The following LCOR variants were observed in gnomAD, a reference collection of about 807,000 sequenced individuals.
The protein encoded by LCOR is ligand-dependent corepressor.
Under a neutral mutation model 64.4 loss-of-function variants are expected in LCOR, and 14 were observed. The ratio of observed to expected loss-of-function variants is 0.22; its 90% CI spans 0.14 to 0.34. The LOEUF (loss-of-function observed/expected upper bound fraction) is 0.34, where lower values mean the gene tolerates loss of function less well. LCOR is among the 10% of genes least tolerant of loss of function. The probability of loss-of-function intolerance (pLI) is 1.00; values close to 1 mark genes in which losing one functional copy is unlikely to be tolerated. For missense variants in LCOR, 1,686 were observed against 1,765.3 expected (o/e 0.96, Z 0.80); for synonymous variants, 643 against 642.5 (o/e 1.00, Z -0.01).
intron 4 of LCOR, among the ~76,000 whole-genome samples, chr10:96,908,769 G>A (rs1846774806): frequency 1.3e-5 from 2 of 150,806 alleles, no homozygotes; most frequent in African/African-American, 4.9e-5. Flanking sequence ...AGGCTGGAGT[G>A]CAGTGGCGCG....
In LCOR at chr10:96,949,021, C is replaced by T. The variant is rs762358270; in HGVS notation, c.-37C>T. ...CTTTATTTACAGACAGTCCCTGGGT[C>T]TCCGACCCCAATATTCCCCTAGTGG... is the stretch of plus-strand genomic sequence containing the variant. On this transcript the variant is annotated 5_prime_UTR_variant, in exon 6 of 8. Transcript: ENST00000421806. 3 of 1,611,272 alleles carry T rather than the reference C, an allele frequency of 1.9e-6. No homozygotes were observed. The highest frequency in any genetic ancestry group is 2.2e-5 in the South Asian group (2 of 90,942).
At chr10:96,966,747 C>T (rs998428078) in intron 7 of LCOR, among the ~76,000 whole-genome samples, 3 of 151,882 alleles carry the variant, frequency 2.0e-5, no homozygotes, top group South Asian at 4.2e-4. Flanking sequence ...GTTGAACTTC[C>T]GTTGTTTGAC....
At position 96,985,135 on chromosome 10, in the gene LCOR, T is replaced by C. The variant is rs774059746; in HGVS notation, c.*1T>C. ...ACGGAGGCGGCTGGATGCAAAGTGA[T>C]TGGAAAGATGGTAGCCAAGAGTAAA... On this transcript the variant is annotated 3_prime_UTR_variant, in exon 8 of 8. Coordinates refer to ENST00000421806, the MANE Select transcript of LCOR (RefSeq NM_001346516.2). The C allele has an allele frequency of 2.5e-6, 4 of 1,587,248 alleles. No individual in the cohort carries two copies. Among genetic ancestry groups the C allele is most frequent in the Non-Finnish European group, 3.4e-6 (4 of 1,170,374 alleles).
intron 4 of LCOR, among the ~76,000 whole-genome samples, chr10:96,931,453 C>G (rs1256131121): frequency 6.6e-6 from 1 of 152,054 alleles, no homozygotes; most frequent in Non-Finnish European, 1.5e-5. Context: ...CCAGGCTGGT[C>G]TCAAACTCCT....
intron 4 of LCOR, among the ~76,000 whole-genome samples, chr10:96,931,977 C>T (rs575146478): frequency 1.0e-3 from 157 of 152,266 alleles, no homozygotes; most frequent in Non-Finnish European, 1.9e-3. Context: ...TGATCAAAAA[C>T]ACATTGTATG....
chr10:96,984,746 C>T lies in LCOR; in HGVS notation c.4286C>T (p.Thr1429Ile), dbSNP rs1848131360. 3 of 1,613,672 alleles carry T rather than the reference C, an allele frequency of 1.9e-6. No individual in the cohort carries two copies. Among genetic ancestry groups the T allele is most frequent in the Non-Finnish European group, 1.7e-6 (2 of 1,179,928 alleles). The change falls in exon 8 of 8, where the codon ACC becomes ATC. Residue 1429 changes from threonine (T) to isoleucine (I), a missense_variant. Physicochemically the swap from Thr to Ile is moderately conservative, Grantham distance 89. This residue lies in a region of LCOR where 1,293 missense variants were observed against 1,410.4 expected (regional missense o/e 0.92). Coordinates refer to ENST00000421806, the MANE Select transcript of LCOR (RefSeq NM_001346516.2). ...ASKEKHADGA[T>I]KTPAAKRPAA... is the part of the protein sequence containing the mutation. ...AAAGAAAAGCATGCTGATGGAGCCA[C>T]CAAAACCCCTGCTGCCAAGAGGCCA...
chr10:96,978,508 AAT>A (rs1388035924), intron 7 of LCOR, among the ~76,000 whole-genome samples: 2 of 152,130 alleles, frequency 1.3e-5, no homozygotes, highest in Non-Finnish European at 2.9e-5. Context: ...TACCTTTTGT[AAT>A]ACTTCTATAA....
intron 6 of LCOR, among the ~76,000 whole-genome samples, chr10:96,950,275 C>G (rs1847654679): frequency 6.6e-6 from 1 of 152,094 alleles, no homozygotes; most frequent in African/African-American, 2.4e-5. Flanking sequence ...GAGTAGTTTT[C>G]CTTTGCTTTT....
intron 7 of LCOR, among the ~76,000 whole-genome samples, chr10:96,965,661 CAAAAAAAAAAAA>C (rs755222216): frequency 7.7e-5 from 5 of 65,322 alleles, no homozygotes; most frequent in South Asian, 5.3e-4. Flanking sequence ...GACTCTGTCT[CAAAAAAAAAAAA>C]AAAAAAAAAA....
At chr10:96,845,448 C>CATTTT in intron 2 of LCOR, among the ~76,000 whole-genome samples, 1 of 67,150 alleles carries the variant, frequency 1.5e-5, no homozygotes, top group Non-Finnish European at 2.9e-5. Flanking sequence ...ATGGGCTTAT[C>CATTTT]CTTTTTTTTT....
chr10:96,926,234 G>T (rs1037304034), intron 4 of LCOR, among the ~76,000 whole-genome samples: 1 of 152,042 alleles, frequency 6.6e-6, no homozygotes, highest in African/African-American at 2.4e-5. Flanking sequence ...TCCTTATCTT[G>T]GTTTGCATTT....
chr10:96,887,436 G>A (rs1289386138), intron 2 of LCOR, among the ~76,000 whole-genome samples: 7 of 151,688 alleles, frequency 4.6e-5, no homozygotes, highest in African/African-American at 9.7e-5. Context: ...CGTGGCGGGC[G>A]CCTGTAGTCC....
intron 2 of LCOR, among the ~76,000 whole-genome samples, chr10:96,848,510 T>C (rs1403081662): frequency 5.9e-5 from 9 of 152,152 alleles, no homozygotes; most frequent in African/African-American, 1.7e-4. Flanking sequence ...ATACAAAAAT[T>C]AGCCGGTTGT....
intron 2 of LCOR, among the ~76,000 whole-genome samples, chr10:96,871,751 A>C (rs953480225): frequency 6.6e-6 from 1 of 152,162 alleles, no homozygotes; most frequent in Non-Finnish European, 1.5e-5. Flanking sequence ...TAAGGAGATT[A>C]GAAAATTAGT....
chr10:96,872,540 C>A (rs1226071051), intron 2 of LCOR, among the ~76,000 whole-genome samples: 1 of 152,084 alleles, frequency 6.6e-6, no homozygotes, highest in African/African-American at 2.4e-5. Flanking sequence ...AAAAAATCAG[C>A]TGGGCTTGGT....
At chr10:96,848,734 T>C (rs984011803) in intron 2 of LCOR, among the ~76,000 whole-genome samples, 1 of 152,178 alleles carries the variant, frequency 6.6e-6, no homozygotes, top group African/African-American at 2.4e-5. Context: ...TCTGAGGATC[T>C]TCAGATTATT....
At chr10:96,869,183 A>G (rs969009250) in intron 2 of LCOR, among the ~76,000 whole-genome samples, 1 of 152,268 alleles carries the variant, frequency 6.6e-6, no homozygotes, top group Admixed American at 6.5e-5. Flanking sequence ...CTGGGATTAC[A>G]GGAGTGAGCT....
chr10:96,920,846 G>A (rs550267693), intron 4 of LCOR, among the ~76,000 whole-genome samples: 1 of 151,646 alleles, frequency 6.6e-6, no homozygotes, highest in African/African-American at 2.4e-5. Context: ...TGCCCAGGCT[G>A]GAGTACAATG....
At chr10:96,943,553 G>A (rs1351706957) in intron 4 of LCOR, among the ~76,000 whole-genome samples, 2 of 152,108 alleles carry the variant, frequency 1.3e-5, no homozygotes, top group African/African-American at 2.4e-5. Context: ...ACCCATTAAA[G>A]GTTTGAGAAC....
Sources: gnomAD v4.1 joint callset for allele counts (sites outside exome capture counted in the v4.1 genomes callset) on GRCh38, gnomAD v4.1.1 for gene constraint, gnomAD v4.1.1 regional missense constraint, MANE v1.5 for transcripts, NCBI Gene and HGNC (gene_info 2026-07-23, HGNC 2026-07-21) for gene names.